The following POU2F1 variants were observed in gnomAD, a reference collection of about 807,000 sequenced individuals.
POU2F1 encodes POU domain, class 2, transcription factor 1.
A neutral mutation model predicts 84.9 loss-of-function variants in POU2F1; 16 were observed. The observed-to-expected ratio is 0.19, with a 90% CI of 0.13 to 0.29. POU2F1 has a LOEUF of 0.29. Among genes scored for constraint, POU2F1 ranks in the 10% least tolerant of loss-of-function variants. The pLI is 1.00. For synonymous variants in POU2F1, 368 were observed against 368.3 expected (o/e 1.00, Z 0.01); for missense variants, 738 against 942.6 (o/e 0.78, Z 2.84).
chr1:167,322,096 G>C (rs1656353651), intron 1 of POU2F1, among the ~76,000 whole-genome samples: 1 of 152,198 alleles, frequency 6.6e-6, no homozygotes, highest in South Asian at 2.1e-4. Context: ...TGATTGAAAT[G>C]TCCATTCCTG....
chr1:167,390,928 A>G (rs1037846680), intron 9 of POU2F1, among the ~76,000 whole-genome samples: 1 of 152,244 alleles, frequency 6.6e-6, no homozygotes, highest in Non-Finnish European at 1.5e-5. Flanking sequence ...AAGAATCTAT[A>G]GAAGATGAAA....
chr1:167,389,690 A>G lies in POU2F1; in HGVS notation c.916A>G (p.Ser306Gly), dbSNP rs776535690. ...TGATACTCCCAGCTTGGAGGAGCCC[A>G]GTGACCTTGAGGAGCTTGAGCAGTT... is the stretch of plus-strand genomic sequence containing the variant. The part of the protein sequence containing the change: ...RIDTPSLEEP[S>G]DLEELEQFAK... The change falls in exon 9 of 16, where the codon AGT becomes GGT. Residue 306 changes from serine (S) to glycine (G), a missense_variant. Coordinates refer to ENST00000367866, the MANE Select transcript of POU2F1 (RefSeq NM_002697.4). 2 of 1,614,208 alleles carry G rather than the reference A, an allele frequency of 1.2e-6. No individual in the cohort carries two copies. Among genetic ancestry groups the G allele is most frequent in the Non-Finnish European group, 8.5e-7 (1 of 1,180,032 alleles).
chr1:167,400,217 AC>A (rs113644489), intron 12 of POU2F1, among the ~76,000 whole-genome samples: 15,546 of 150,904 alleles, frequency 0.1, 2,572 homozygotes, highest in African/African-American at 0.35. Context: ...TGAACTCCTG[AC>A]CTCAGGTGAT....
Position 167,220,914 on chromosome 1 carries a change from C to A in POU2F1, c.17C>A (p.Ala6Glu). 1 of 1,535,120 alleles carries A rather than the reference C, an allele frequency of 6.5e-7. No individual in the cohort carries two copies. The change falls in exon 1 of 16, where the codon GCA becomes GAA. Residue 6 changes from alanine (A) to glutamate (E), a missense_variant. Transcript: ENST00000367866. MADGG[A>E]ASQDESSAAA... is the part of the protein sequence containing the mutation. ...ATATTCAAAATGGCGGACGGAGGAG[C>A]AGCGAGTCAAGATGAGAGTTCAGCC...
At chr1:167,264,925 G>A (rs1651836449) in intron 1 of POU2F1, among the ~76,000 whole-genome samples, 1 of 151,898 alleles carries the variant, frequency 6.6e-6, no homozygotes, top group African/African-American at 2.4e-5. Context: ...TTGCTGTCTC[G>A]TTTGCCTAGG....
chr1:167,411,961 A>G lies in POU2F1; in HGVS notation c.1558A>G (p.Thr520Ala). The G allele has an allele frequency of 1.2e-6, 2 of 1,607,730 alleles. No homozygotes were observed. The highest frequency in any genetic ancestry group is 1.7e-6 in the Non-Finnish European group (2 of 1,175,572). ...AAVTNLSVTG[T>A]SDTTSNNTAT... ...TTCTAATCTGTTTGTCTTTTCAGGC[A>G]CTTCAGACACCACCTCCAACAACAC... is the stretch of plus-strand genomic sequence containing the variant. Residue 520 changes from threonine to alanine, a missense_variant and splice_region_variant, in exon 14 of 16, where the codon ACT becomes GCT. Thr to Ala is a moderately conservative substitution (Grantham distance 58). Around this residue, in one of 4 missense-constraint regions of POU2F1, gnomAD observed 319 missense variants for 386.0 expected, o/e 0.83. Transcript: ENST00000367866.
At chr1:167,282,652 C>G (rs1653238716) in intron 1 of POU2F1, among the ~76,000 whole-genome samples, 1 of 152,118 alleles carries the variant, frequency 6.6e-6, no homozygotes, top group South Asian at 2.1e-4. Flanking sequence ...TCATCCCTGT[C>G]ACACCTCATT....
intron 13 of POU2F1, among the ~76,000 whole-genome samples, chr1:167,408,102 G>C (rs548889957): frequency 6.6e-6 from 1 of 152,294 alleles, no homozygotes; most frequent in South Asian, 2.1e-4. Context: ...GGAAGATATA[G>C]GAGTGACTAG....
chr1:167,322,138 A>C (rs1354394366), intron 1 of POU2F1, among the ~76,000 whole-genome samples: 1 of 152,178 alleles, frequency 6.6e-6, no homozygotes, highest in Non-Finnish European at 1.5e-5. Context: ...CTTTACCCTG[A>C]ATAGTTATTT....
intron 3 of POU2F1, among the ~76,000 whole-genome samples, chr1:167,367,628 TACA>T (rs1443278239): frequency 4.6e-5 from 7 of 152,174 alleles, no homozygotes; most frequent in Non-Finnish European, 1.0e-4. Context: ...TTGTAAGAGT[TACA>T]ACAATAGAAC....
At position 167,273,023 on chromosome 1, in the gene POU2F1, C is replaced by T. The variant is rs145411060; in HGVS notation, c.61+52065C>T. ...CACGGGTACAGGCATTGAGTAAACA[C>T]ACCCATTCCAAAAGGGAGAAATCAA... is the stretch of plus-strand genomic sequence containing the variant. On this transcript the variant is annotated intron_variant, in intron 1 of 15. Transcript: ENST00000367866. 1.6e-3 allele frequency among the ~76,000 whole-genome samples: 250 copies of T among 152,296 alleles called. 1 individual carries two copies. The highest frequency in any genetic ancestry group is 3.4e-3 in the Middle Eastern group (1 of 294).
intron 1 of POU2F1, among the ~76,000 whole-genome samples, chr1:167,221,178 G>GCTGCGATCCA (rs1648109783): frequency 6.6e-6 from 1 of 151,506 alleles, no homozygotes; most frequent in East Asian, 2.0e-4. Context: ...GGCAAAGGGG[G>GCTGCGATCCA]CTGCGATCCA....
intron 1 of POU2F1, among the ~76,000 whole-genome samples, chr1:167,311,877 A>G (rs1655505759): frequency 2.0e-5 from 3 of 150,746 alleles, no homozygotes; most frequent in Admixed American, 1.3e-4. Context: ...ATCTTGGCTC[A>G]CTGCAGCCTC....
At chr1:167,291,167 A>T (rs1381676156) in intron 1 of POU2F1, among the ~76,000 whole-genome samples, 1 of 152,212 alleles carries the variant, frequency 6.6e-6, no homozygotes, top group Admixed American at 6.5e-5. Flanking sequence ...TCTGAATTTC[A>T]GCTTTGCTAT....
chr1:167,251,909 A>G (rs191353255), intron 1 of POU2F1, among the ~76,000 whole-genome samples: 1 of 149,764 alleles, frequency 6.7e-6, no homozygotes, highest in African/African-American at 2.5e-5. Flanking sequence ...CAGTGGCACT[A>G]TCTTGGCTCA....
At position 167,389,683 on chromosome 1, in the gene POU2F1, G is replaced by A. The variant is rs2101893022; in HGVS notation, c.909G>A (p.Glu303=). ...TPKRIDTPSL[E]EPSDLEELEQ... Reference sequence around the variant, plus strand: ...AGCGAATTGATACTCCCAGCTTGGAGGAGCCCAGTGACCTTGAGGAGCTTG... The same window carrying A: ...AGCGAATTGATACTCCCAGCTTGGAAGAGCCCAGTGACCTTGAGGAGCTTG... Residue 303 remains glutamate (E), a synonymous_variant, in exon 9 of 16, where the codon GAG becomes GAA. Coordinates refer to ENST00000367866, the MANE Select transcript of POU2F1 (RefSeq NM_002697.4). The A allele has an allele frequency of 1.2e-6, 2 of 1,614,180 alleles. No homozygotes were observed. Among genetic ancestry groups the A allele is most frequent in the South Asian group, 1.1e-5 (1 of 91,076 alleles).
intron 1 of POU2F1, among the ~76,000 whole-genome samples, chr1:167,289,356 C>G (rs1311784228): frequency 6.6e-6 from 1 of 152,172 alleles, no homozygotes; most frequent in Non-Finnish European, 1.5e-5. Flanking sequence ...GCAAGCTTAC[C>G]TTCTAGTGAG....
intron 1 of POU2F1, among the ~76,000 whole-genome samples, chr1:167,274,811 C>A (rs189847218): frequency 3.5e-4 from 53 of 152,158 alleles, no homozygotes; most frequent in Admixed American, 1.1e-3. Context: ...CCAGTTCTTG[C>A]GAAAATGCTT....
chr1:167,225,551 AC>A (rs996008463), intron 1 of POU2F1, among the ~76,000 whole-genome samples: 1 of 152,240 alleles, frequency 6.6e-6, no homozygotes, highest in African/African-American at 2.4e-5. Context: ...TCAAAATGTT[AC>A]GTTGCTCTTC....
Sources: gnomAD v4.1 joint callset for allele counts (sites outside exome capture counted in the v4.1 genomes callset) on GRCh38, gnomAD v4.1.1 for gene constraint, gnomAD v4.1.1 regional missense constraint, MANE v1.5 for transcripts, NCBI Gene and HGNC (gene_info 2026-07-23, HGNC 2026-07-21) for gene names.